The following HEATR1 variants were observed in gnomAD, a reference collection of about 807,000 sequenced individuals.
HEATR1 encodes the protein HEAT repeat-containing protein 1.
Under a neutral mutation model 248.2 loss-of-function variants are expected in HEATR1, and 77 were observed. That is an observed-to-expected ratio of 0.31 (90% CI 0.26 to 0.37). HEATR1 has a LOEUF of 0.37. HEATR1 is among the 10% of genes least tolerant of loss of function. The pLI is 1.00. For missense variants in HEATR1, 2,420 were observed against 2,504.9 expected (o/e 0.97, Z 0.72); for synonymous variants, 897 against 923.1 (o/e 0.97, Z 0.51).
chr1:236,565,092 T>C (rs1663234592), intron 31 of HEATR1, among the ~76,000 whole-genome samples: 1 of 152,174 alleles, frequency 6.6e-6, no homozygotes. Context: ...ATATACCACA[T>C]ACACCACATA....
At chr1:236,576,527 A>G in intron 21 of HEATR1, 150 bp from the exon 22 acceptor site, 1 of 708,096 alleles carries the variant, frequency 1.4e-6, no homozygotes, top group Non-Finnish European at 2.2e-6. Flanking sequence ...ACGTTATTAA[A>G]AACACACAGC....
chr1:236,553,847 G>A, intron 42 of HEATR1, 108 bp from the exon 43 acceptor site: 1 of 1,209,534 alleles, frequency 8.3e-7, no homozygotes, highest in Non-Finnish European at 1.1e-6. Flanking sequence ...ATATTAGCAG[G>A]TTCAAAAACC....
rs563010054 is a variant in HEATR1, at chr1:236,598,308, T to TAAG, written c.502-330_502-329insCTT. Among the ~76,000 whole-genome samples, 43 of 152,350 alleles carry TAAG rather than the reference T, an allele frequency of 2.8e-4. No individual in the cohort carries two copies. The East Asian group carries it at 3.1e-3, about 11-fold the overall frequency. On this transcript the variant is annotated intron_variant, in intron 4 of 44. Coordinates refer to ENST00000366582, the MANE Select transcript of HEATR1 (RefSeq NM_018072.6). Reference sequence around the variant, plus strand: ...CGATTTGGTTTCTGAGCCACTATGATACGCTTCTGTCATTGCTTTACAATA... The same window carrying TAAG: ...CGATTTGGTTTCTGAGCCACTATGATAAGACGCTTCTGTCATTGCTTTACAATA...
intron 19 of HEATR1, 146 bp from the exon 20 acceptor site, chr1:236,581,560 A>ATTCCATG: frequency 1.9e-6 from 1 of 540,072 alleles, no homozygotes; most frequent in South Asian, 3.1e-5. Context: ...ATTATTCCAT[A>ATTCCATG]TTCCATGTTT....
chr1:236,573,943 G>C (rs146228321), intron 24 of HEATR1: 1 of 259,770 alleles, frequency 3.8e-6, no homozygotes, highest in South Asian at 1.3e-4. Flanking sequence ...CGTCTAATAT[G>C]AGAAAGATCA....
chr1:236,602,586 T>C (rs1282465945), intron 3 of HEATR1, among the ~76,000 whole-genome samples: 2 of 152,184 alleles, frequency 1.3e-5, no homozygotes, highest in Non-Finnish European at 2.9e-5. Context: ...GCCTCAAGTG[T>C]GCAGGAACAA....
At chr1:236,587,268 T>A (rs1400951783) in intron 14 of HEATR1, 134 bp downstream of exon 14, 1 of 402,784 alleles carries the variant, frequency 2.5e-6, no homozygotes, top group Non-Finnish European at 4.6e-6. Flanking sequence ...AGTATTACAG[T>A]AAGATCTGTT....
chr1:236,585,118 T>C lies in HEATR1; in HGVS notation c.2148A>G (p.Ser716=). The C allele has an allele frequency of 3.7e-6, 6 of 1,614,094 alleles. No homozygotes were observed. Among genetic ancestry groups the C allele is most frequent in the African/African-American group, 1.3e-5 (1 of 75,060 alleles). The change falls in exon 17 of 45, where the codon TCA becomes TCG. Residue 716 remains serine (S), a synonymous_variant. Transcript: ENST00000366582. ...VILSVLVSCC[S]SLKETHFPFA... is the part of the protein sequence containing the mutation. ...ATGGAAAGTGGGTTTCTTTTAAAGA[T>C]GAACAACAAGAGACGAGCACAGACA...
At position 236,574,535 on chromosome 1, in the gene HEATR1, A is replaced by G. The variant is rs1202932477; in HGVS notation, c.3327+126T>C. The G allele has an allele frequency of 5.5e-6, 7 of 1,281,146 alleles. No homozygotes were observed. In the Admixed American group the frequency reaches 1.7e-4, roughly 31 times the overall value. 79.4% of individuals were successfully genotyped at this position (1,281,146 alleles called of 1,614,324 possible). ...TACATCATTTTCCTTTAAAACGTCT[A>G]GTCCACCTGTAACTATCTTCTCCAA... On this transcript the variant is annotated intron_variant, in intron 23 of 44. Coordinates refer to ENST00000366582, the MANE Select transcript of HEATR1 (RefSeq NM_018072.6).
Position 236,574,304 on chromosome 1 carries a change from T to C in HEATR1, c.3357A>G (p.Ser1119=). 6.2e-7 allele frequency: 1 copy of C among 1,610,692 alleles called. No individual in the cohort carries two copies. The highest frequency in any genetic ancestry group is 8.5e-7 in the Non-Finnish European group (1 of 1,178,942). Residue 1119 remains serine, a synonymous_variant, in exon 24 of 45, where the codon TCA becomes TCG. Coordinates refer to ENST00000366582, the MANE Select transcript of HEATR1 (RefSeq NM_018072.6). The part of the protein sequence containing the change: ...KITKPFFAAI[S]DEKVQQKLLR... Reference sequence around the variant, plus strand: ...AAAGCTTCTGCTGAACTTTTTCATCTGATATGGCTGCAAAAAATGGTTTTG... The same window carrying C: ...AAAGCTTCTGCTGAACTTTTTCATCCGATATGGCTGCAAAAAATGGTTTTG...
At chr1:236,585,733 T>G in intron 16 of HEATR1, 87 bp downstream of exon 16, 1 of 1,418,370 alleles carries the variant, frequency 7.1e-7, no homozygotes, top group Non-Finnish European at 9.5e-7. Context: ...AAATTTTTTT[T>G]AAGAAAAATC....
rs1340411944 is a variant in HEATR1, at chr1:236,590,831, G to A, written c.1530+16C>T. 3.7e-6 allele frequency: 5 copies of A among 1,359,828 alleles called. No homozygotes were observed. Among genetic ancestry groups the A allele is most frequent in the South Asian group, 1.7e-5 (1 of 60,566 alleles). 84.2% of individuals were successfully genotyped at this position (1,359,828 alleles called of 1,614,324 possible). ...TAAGAAAAAAAAACCATATAAAAAA[G>A]CGATCTGAAACAAACCTTTGATGTT... On this transcript the variant is annotated intron_variant, in intron 12 of 44. Transcript: ENST00000366582.
chr1:236,587,337 A>T, intron 14 of HEATR1, 65 bp downstream of exon 14: 1 of 766,570 alleles, frequency 1.3e-6, no homozygotes, highest in Non-Finnish European at 2.0e-6. Context: ...AGAAGAAGAA[A>T]TAGAAAGAAC....
chr1:236,569,863 C>A (rs1416476403), intron 28 of HEATR1, among the ~76,000 whole-genome samples: 1 of 152,184 alleles, frequency 6.6e-6, no homozygotes, highest in African/African-American at 2.4e-5. Context: ...ATAATAGCCC[C>A]ACAGTTGAAA....
rs201128837 is a variant in HEATR1, at chr1:236,568,897, AC to A, written c.4077+98del. 835 of 616,118 alleles carry A rather than the reference AC, an allele frequency of 1.4e-3. 3 individuals carry two copies. Among genetic ancestry groups the A allele is most frequent in the Middle Eastern group, 3.0e-3 (5 of 1,688 alleles). 38.2% of individuals were successfully genotyped at this position (616,118 alleles called of 1,614,324 possible). A position where few individuals can be genotyped will look rare whatever the true frequency, so the allele number is the denominator to read the frequency against. ...CTGTTGAGGATATTAAAAAAAAAAA[AC>A]AAAAAAAAAAAACTAAAAAAAAGGC... On this transcript the variant is annotated intron_variant, in intron 29 of 44. Transcript: ENST00000366582.
At chr1:236,564,440 A>C (rs1409458664) in intron 32 of HEATR1, 58 bp downstream of exon 32, 3 of 1,488,376 alleles carry the variant, frequency 2.0e-6, no homozygotes, top group East Asian at 2.3e-5. Flanking sequence ...CTGGTTGAGA[A>C]CAGTTCCTTG....
chr1:236,603,116 CAA>C, intron 3 of HEATR1, 42 bp downstream of exon 3: 3 of 1,474,014 alleles, frequency 2.0e-6, no homozygotes, highest in Non-Finnish European at 2.8e-6. Flanking sequence ...TTTACAAGAC[CAA>C]AGTGATTAAC....
chr1:236,576,673 G>T, intron 21 of HEATR1, 107 bp downstream of exon 21: 1 of 1,041,922 alleles, frequency 9.6e-7, no homozygotes, highest in East Asian at 2.5e-5. Context: ...TAAATCCAAT[G>T]ACTTAGTCCA....
At chr1:236,601,274 C>T (rs981761439) in intron 3 of HEATR1, among the ~76,000 whole-genome samples, 7 of 148,598 alleles carry the variant, frequency 4.7e-5, no homozygotes, top group South Asian at 4.3e-4. Context: ...TTTGATACGG[C>T]GTCTCCCTGT....
Sources: gnomAD v4.1 joint callset for allele counts (sites outside exome capture counted in the v4.1 genomes callset) on GRCh38, gnomAD v4.1.1 for gene constraint, MANE v1.5 for transcripts, NCBI Gene and HGNC (gene_info 2026-07-23, HGNC 2026-07-21) for gene names.